CHCHD6: variants seen among roughly 807,000 people sequenced by gnomAD.
CHCHD6 encodes the protein MICOS complex subunit MIC25.
Under a neutral mutation model 32.3 loss-of-function variants are expected in CHCHD6, and 28 were observed. The observed-to-expected ratio is 0.87, with a 90% confidence interval of 0.64 to 1.19. The LOEUF (loss-of-function observed/expected upper bound fraction) is 1.19. Among genes scored for constraint, CHCHD6 ranks in the 50% most tolerant of loss-of-function variants. The pLI, the probability that CHCHD6 is intolerant of heterozygous loss-of-function variation, is 0.00. For missense variants in CHCHD6, 333 were observed against 307.0 expected (o/e 1.08, Z -0.63); for synonymous variants, 122 against 117.5 (o/e 1.04, Z -0.25).
At chr3:126,910,277 A>AAAAAACAAACAAAC (rs2078069351) in intron 5 of CHCHD6, among the ~76,000 whole-genome samples, 1 of 151,430 alleles carries the variant, frequency 6.6e-6, no homozygotes, top group African/African-American at 2.4e-5. Flanking sequence ...CCTCAGGAAA[A>AAAAAACAAACAAAC]AAAAAAAAAC....
At chr3:126,796,794 TA>T (rs1271847191) in intron 4 of CHCHD6, among the ~76,000 whole-genome samples, 2 of 152,278 alleles carry the variant, frequency 1.3e-5, no homozygotes, top group South Asian at 4.1e-4. Flanking sequence ...GGAGGGTTTT[TA>T]TTTAGGCCCA....
At chr3:126,707,537 C>G (rs1455998682) in intron 1 of CHCHD6, among the ~76,000 whole-genome samples, 1 of 152,214 alleles carries the variant, frequency 6.6e-6, no homozygotes, top group Non-Finnish European at 1.5e-5. Flanking sequence ...CCCTCTCCTC[C>G]TCTCCACATG....
intron 4 of CHCHD6, among the ~76,000 whole-genome samples, chr3:126,846,043 C>T (rs1454373235): frequency 1.3e-5 from 2 of 152,156 alleles, no homozygotes; most frequent in African/African-American, 4.8e-5. Context: ...TCCCCTGCAG[C>T]ACCACAGTAG....
At chr3:126,912,545 G>A (rs1299064962) in intron 5 of CHCHD6, among the ~76,000 whole-genome samples, 1 of 152,228 alleles carries the variant, frequency 6.6e-6, no homozygotes, top group African/African-American at 2.4e-5. Flanking sequence ...CCCAGTAGCT[G>A]TAGAGGGAGG....
At chr3:126,908,630 G>A (rs564784344) in intron 5 of CHCHD6, among the ~76,000 whole-genome samples, 2 of 152,302 alleles carry the variant, frequency 1.3e-5, no homozygotes, top group African/African-American at 4.8e-5. Context: ...GTCCCTATCT[G>A]TGTGGAGTTT....
intron 5 of CHCHD6, among the ~76,000 whole-genome samples, chr3:126,883,517 A>C (rs1465128051): frequency 1.3e-5 from 2 of 152,154 alleles, no homozygotes; most frequent in Non-Finnish European, 2.9e-5. Context: ...TTCTGTGTCA[A>C]CTGCTGTGTG....
chr3:126,756,440 T>C (rs1368681937), intron 4 of CHCHD6, among the ~76,000 whole-genome samples: 1 of 152,172 alleles, frequency 6.6e-6, no homozygotes, highest in Non-Finnish European at 1.5e-5. Context: ...AGCTGGACCA[T>C]GGAGAGCTTT....
intron 5 of CHCHD6, among the ~76,000 whole-genome samples, chr3:126,879,678 G>A (rs903525350): frequency 6.6e-6 from 1 of 152,146 alleles, no homozygotes; most frequent in African/African-American, 2.4e-5. Flanking sequence ...ATCATTACTG[G>A]GGTAATTGGA....
intron 6 of CHCHD6, among the ~76,000 whole-genome samples, chr3:126,944,858 C>T (rs753482712): frequency 2.0e-5 from 3 of 152,182 alleles, no homozygotes; most frequent in Non-Finnish European, 4.4e-5. Context: ...TGGAGACTTA[C>T]CTTCTCCTCA....
chr3:126,926,534 G>A (rs1279086689), intron 6 of CHCHD6, among the ~76,000 whole-genome samples: 1 of 152,188 alleles, frequency 6.6e-6, no homozygotes, highest in Non-Finnish European at 1.5e-5. Context: ...AGGCTGTGCA[G>A]CCAGGGGTCA....
intron 4 of CHCHD6, among the ~76,000 whole-genome samples, chr3:126,817,113 A>G (rs1939941450): frequency 6.6e-6 from 1 of 152,154 alleles, no homozygotes; most frequent in Admixed American, 6.5e-5. Context: ...TTGCAAGGGT[A>G]AGGAGGCTTC....
chr3:126,937,639 C>T (rs2078499856), intron 6 of CHCHD6, among the ~76,000 whole-genome samples: 1 of 152,220 alleles, frequency 6.6e-6, no homozygotes, highest in South Asian at 2.1e-4. Context: ...TACAGATGCT[C>T]ACTGCCTGTT....
At chr3:126,747,946 C>T (rs561360664) in intron 4 of CHCHD6, among the ~76,000 whole-genome samples, 50 of 152,214 alleles carry the variant, frequency 3.3e-4, no homozygotes, top group African/African-American at 8.2e-4. Flanking sequence ...GCTGCCTTGC[C>T]GTCCTCTTGC....
intron 6 of CHCHD6, among the ~76,000 whole-genome samples, chr3:126,941,921 C>G (rs1224095094): frequency 2.0e-5 from 3 of 152,242 alleles, no homozygotes; most frequent in African/African-American, 7.2e-5. Flanking sequence ...CACACTTCAC[C>G]TGCTACCCTA....
At chr3:126,737,998 G>A (rs918620740) in intron 4 of CHCHD6, among the ~76,000 whole-genome samples, 3 of 152,272 alleles carry the variant, frequency 2.0e-5, no homozygotes, top group African/African-American at 7.2e-5. Context: ...AGAAGCTAAG[G>A]TCAAATCCTC....
chr3:126,871,725 G>T (rs1021639150), intron 5 of CHCHD6, among the ~76,000 whole-genome samples: 1 of 149,276 alleles, frequency 6.7e-6, no homozygotes, highest in Non-Finnish European at 1.5e-5. Context: ...GAGTGCAGTG[G>T]CGCAATCTTG....
intron 4 of CHCHD6, among the ~76,000 whole-genome samples, chr3:126,799,417 C>T (rs1483389878): frequency 6.6e-6 from 1 of 152,196 alleles, no homozygotes; most frequent in Admixed American, 6.5e-5. Context: ...ACACCCTTCT[C>T]ATAAAATGTA....
At chr3:126,935,600 G>A (rs146031037) in intron 6 of CHCHD6, among the ~76,000 whole-genome samples, 61 of 152,314 alleles carry the variant, frequency 4.0e-4, no homozygotes, top group African/African-American at 5.3e-4. Flanking sequence ...GCTCAAAACC[G>A]TGTGCGGCTT....
Position 126,704,389 on chromosome 3 carries a change from A to C in CHCHD6, c.77A>C (p.Gln26Pro), listed in dbSNP as rs202222271. The change falls in exon 1 of 8, where the codon CAG (glutamine) becomes CCG (proline). Residue 26 changes from glutamine (Q) to proline (P), a missense_variant. By Grantham distance (76) the Gln-to-Pro change is moderately conservative (BLOSUM62 -1). Transcript: ENST00000290913. ...VDEEERVRVLQGVRLSENVVN... is the reference protein window; with the variant it reads ...VDEEERVRVLPGVRLSENVVN... The stretch of plus-strand genomic sequence containing the variant: ...GAGGAGGAGCGGGTCCGGGTGCTGC[A>C]GGGTGTCCGGGTGAGCGGCGCCGCC... 3.2e-4 allele frequency: 501 copies of C among 1,557,068 alleles called. 5 individuals carry two copies. In the African/African-American group the frequency reaches 6.3e-3, roughly 19 times the overall value.
Sources: allele counts gnomAD v4.1 joint callset (sites outside exome capture counted in the v4.1 genomes callset), GRCh38; gene constraint gnomAD v4.1.1; transcripts MANE v1.5; gene names NCBI Gene and HGNC (gene_info 2026-07-23, HGNC 2026-07-21).